The following XKR4 variants were observed in gnomAD, a reference collection of about 807,000 sequenced individuals.
The protein encoded by XKR4 is XK-related protein 4.
Under a neutral mutation model 53.9 loss-of-function variants are expected in XKR4, and 12 were observed. The ratio of observed to expected loss-of-function variants is 0.22; its 90% confidence interval spans 0.14 to 0.36. XKR4 has a LOEUF of 0.36. Ranked by LOEUF, XKR4 falls within the 10% of genes least tolerant of loss-of-function variation. The pLI is 1.00. For synonymous variants in XKR4, 354 were observed against 362.4 expected (o/e 0.98, Z 0.26); for missense variants, 799 against 859.5 (o/e 0.93, Z 0.88).
At chr8:55,456,471 G>T (rs1563355729) in intron 2 of XKR4, among the ~76,000 whole-genome samples, 1 of 152,022 alleles carries the variant, frequency 6.6e-6, no homozygotes, top group African/African-American at 2.4e-5. Context: ...AAGAAAAAAA[G>T]AAATTGACTC....
chr8:55,475,041 A>G (rs1298115927), intron 2 of XKR4, among the ~76,000 whole-genome samples: 3 of 152,176 alleles, frequency 2.0e-5, no homozygotes, highest in Non-Finnish European at 2.9e-5. Context: ...TTATACAACT[A>G]AAAACAATAA....
At chr8:55,146,449 G>C (rs1434457059) in intron 1 of XKR4, among the ~76,000 whole-genome samples, 1 of 152,242 alleles carries the variant, frequency 6.6e-6, no homozygotes, top group Non-Finnish European at 1.5e-5. Flanking sequence ...TTCTAGAAGA[G>C]TGCTTTCCAC....
At chr8:55,184,482 C>T (rs908449483) in intron 1 of XKR4, among the ~76,000 whole-genome samples, 23 of 152,282 alleles carry the variant, frequency 1.5e-4, no homozygotes, top group African/African-American at 4.3e-4. Flanking sequence ...CCCTGAAGCC[C>T]TTTGCTGGGA....
intron 1 of XKR4, among the ~76,000 whole-genome samples, chr8:55,267,584 A>C (rs1456773072): frequency 4.6e-5 from 7 of 151,724 alleles, no homozygotes; most frequent in Non-Finnish European, 8.8e-5. Context: ...TAAGTACAGC[A>C]TAAGGAAGAG....
chr8:55,304,346 G>T (rs28886302), intron 1 of XKR4, among the ~76,000 whole-genome samples: 1 of 151,954 alleles, frequency 6.6e-6, no homozygotes, highest in Non-Finnish European at 1.5e-5. Context: ...GTTTGATTGC[G>T]CTGTGGTCTG....
intron 1 of XKR4, among the ~76,000 whole-genome samples, chr8:55,219,413 C>T (rs1186145924): frequency 6.6e-6 from 1 of 152,138 alleles, no homozygotes; most frequent in Non-Finnish European, 1.5e-5. Context: ...GAGCTCTGCA[C>T]AGGAGCATGG....
intron 2 of XKR4, among the ~76,000 whole-genome samples, chr8:55,521,284 C>G (rs990941317): frequency 2.0e-5 from 3 of 152,264 alleles, no homozygotes; most frequent in Non-Finnish European, 4.4e-5. Flanking sequence ...AAGGCACAAT[C>G]TTTTGTTCTT....
chr8:55,324,391 G>A (rs955255865), intron 1 of XKR4, among the ~76,000 whole-genome samples: 1 of 152,158 alleles, frequency 6.6e-6, no homozygotes, highest in African/African-American at 2.4e-5. Flanking sequence ...ACCGCACCCA[G>A]CATTTATTTT....
At chr8:55,457,596 C>G (rs1463059035) in intron 2 of XKR4, among the ~76,000 whole-genome samples, 1 of 152,178 alleles carries the variant, frequency 6.6e-6, no homozygotes, top group African/African-American at 2.4e-5. Context: ...AAAGGAAGAA[C>G]TTTAGGCTTA....
intron 1 of XKR4, among the ~76,000 whole-genome samples, chr8:55,111,530 A>T (rs1237595037): frequency 1.3e-5 from 2 of 152,206 alleles, no homozygotes; most frequent in African/African-American, 2.4e-5. Flanking sequence ...GTTCATACAT[A>T]GAGAGTCTTA....
chr8:55,102,370 G>A lies in XKR4; in HGVS notation c.-119G>A. 3.2e-6 allele frequency: 4 copies of A among 1,255,620 alleles called. No individual in the cohort carries two copies. The highest frequency in any genetic ancestry group is 4.1e-6 in the Non-Finnish European group (4 of 983,856). 77.8% of individuals were successfully genotyped at this position (1,255,620 alleles called of 1,614,324 possible). Reference sequence around the variant, plus strand: ...CAGGCGAGCCGACGCAGGAGCAGGAGGAGGGGGAGCCGCACCGCCTGGGAG... The same window carrying A: ...CAGGCGAGCCGACGCAGGAGCAGGAAGAGGGGGAGCCGCACCGCCTGGGAG... On this transcript the variant is annotated 5_prime_UTR_variant, in exon 1 of 3. Transcript: ENST00000327381. This position sits in a 1 kb window ranked among gnomAD's most constrained non-coding sequence, Gnocchi z 5.1.
intron 2 of XKR4, among the ~76,000 whole-genome samples, chr8:55,474,553 GTATTTTAAGATACTCCTGGAACAAATAGA>G: frequency 6.6e-6 from 1 of 152,202 alleles, no homozygotes; most frequent in South Asian, 2.1e-4. Context: ...ATGTCATCTA[GTATTTTAAGATACTCCTGGAACAAATAGA>G]TACTCAGATG....
intron 1 of XKR4, among the ~76,000 whole-genome samples, chr8:55,289,677 G>GAAAGAAAGAAAGAGAA (rs201871671): frequency 8.0e-6 from 1 of 125,072 alleles, no homozygotes; most frequent in Non-Finnish European, 1.6e-5. Context: ...AGAAAAGAAA[G>GAAAGAAAGAAAGAGAA]AGAAAGAAAG....
At chr8:55,128,353 AGAACTTCT>A (rs1816502701) in intron 1 of XKR4, among the ~76,000 whole-genome samples, 1 of 152,212 alleles carries the variant, frequency 6.6e-6, no homozygotes, top group Non-Finnish European at 1.5e-5. Context: ...GTGCTCTACT[AGAACTTCT>A]GTAGTCTCAG....
At chr8:55,392,246 G>A (rs943698157) in intron 2 of XKR4, among the ~76,000 whole-genome samples, 12 of 152,140 alleles carry the variant, frequency 7.9e-5, no homozygotes, top group Non-Finnish European at 1.3e-4. Flanking sequence ...TCACTACTGA[G>A]AGAGGGCTCC....
At chr8:55,495,667 G>A (rs747032101) in intron 2 of XKR4, among the ~76,000 whole-genome samples, 42 of 152,236 alleles carry the variant, frequency 2.8e-4, no homozygotes, top group Non-Finnish European at 5.4e-4. Context: ...GTGACGTAGG[G>A]CCAGGGTCTG....
intron 1 of XKR4, among the ~76,000 whole-genome samples, chr8:55,105,905 C>T (rs548156241): frequency 1.3e-4 from 20 of 152,280 alleles, no homozygotes; most frequent in Non-Finnish European, 2.6e-4. Context: ...GGGGAGTAGA[C>T]GCATCTTTGC....
At chr8:55,378,943 C>T (rs1199145493) in intron 2 of XKR4, among the ~76,000 whole-genome samples, 1 of 152,206 alleles carries the variant, frequency 6.6e-6, no homozygotes, top group East Asian at 1.9e-4. Flanking sequence ...TGGGGAAATA[C>T]TGTCTTTTCT....
At chr8:55,391,493 A>G (rs576564636) in intron 2 of XKR4, among the ~76,000 whole-genome samples, 5 of 152,338 alleles carry the variant, frequency 3.3e-5, no homozygotes, top group African/African-American at 1.2e-4. Flanking sequence ...ATATATTGTT[A>G]AAAACTGCAA....
Sources: gnomAD v4.1 joint callset for allele counts (sites outside exome capture counted in the v4.1 genomes callset) on GRCh38, gnomAD v4.1.1 for gene constraint, Gnocchi (gnomAD v3.1) non-coding constraint, MANE v1.5 for transcripts, NCBI Gene and HGNC (gene_info 2026-07-23, HGNC 2026-07-21) for gene names.